Variants in ACVR1 observed in about 807,000 individuals in gnomAD.
ACVR1 encodes the protein activin receptor type-1.
Under a neutral mutation model 57.1 loss-of-function variants are expected in ACVR1, and 38 were observed. The ratio of observed to expected loss-of-function variants is 0.67; its 90% CI spans 0.51 to 0.87. The LOEUF (loss-of-function observed/expected upper bound fraction) is 0.87, where lower values mean the gene tolerates loss of function less well. ACVR1 is among the 40% of genes least tolerant of loss of function. The pLI is 0.00. For missense variants in ACVR1, 463 were observed against 638.2 expected, an observed-to-expected ratio of 0.73 and a Z score of 2.96; for synonymous variants, 212 against 228.1, an observed-to-expected ratio of 0.93 and a Z score of 0.63.
chr2:157,763,997 C>T (rs1685761165), intron 8 of ACVR1, among the ~76,000 whole-genome samples: 1 of 152,144 alleles, frequency 6.6e-6, no homozygotes, highest in Admixed American at 6.5e-5. Context: ...TCCTTCCCTA[C>T]CAAGTCCCAT....
At chr2:157,871,737 C>A (rs963164594) in intron 1 of ACVR1, among the ~76,000 whole-genome samples, 1 of 152,122 alleles carries the variant, frequency 6.6e-6, no homozygotes, top group Non-Finnish European at 1.5e-5. Flanking sequence ...TGCCTAGAAG[C>A]GCACAGGAAT....
At chr2:157,874,261 A>T (rs1690204357) in intron 1 of ACVR1, among the ~76,000 whole-genome samples, 1 of 152,264 alleles carries the variant, frequency 6.6e-6, no homozygotes, top group African/African-American at 2.4e-5. Context: ...CTTCAAAAGA[A>T]TTCCATTTTT....
chr2:157,736,916 T>C lies in ACVR1; in HGVS notation c.*615A>G. On this transcript the variant is annotated 3_prime_UTR_variant, in exon 11 of 11. Coordinates refer to ENST00000434821, the MANE Select transcript of ACVR1 (RefSeq NM_001111067.4). ...TGCAAAGTTGTGTATAAACAATTCC[T>C]AATGTTCGGCATCATTGTAAACATC... The C allele has an allele frequency of 3.2e-6, 1 of 315,358 alleles. No individual in the cohort carries two copies. The allele number at this position is 315,358 out of a possible 1,614,324, so 19.5% of individuals were successfully genotyped here.
chr2:157,757,600 A>C (rs1447551708), intron 9 of ACVR1, among the ~76,000 whole-genome samples: 1 of 151,958 alleles, frequency 6.6e-6, no homozygotes, highest in Non-Finnish European at 1.5e-5. Context: ...GACATATTCA[A>C]ATGTTGAAAG....
chr2:157,760,737 A>G (rs1425512998), intron 9 of ACVR1, 143 bp downstream of exon 9: 3 of 781,776 alleles, frequency 3.8e-6, no homozygotes, highest in African/African-American at 3.5e-5. Flanking sequence ...TCTACCAGCC[A>G]TAAATCAAAT....
Position 157,806,379 on chromosome 2 carries a change from T to TA in ACVR1, c.-7-6880_-7-6879insT, listed in dbSNP as rs532323295. ...CCTCTTTGATAGTGCATCAGTGGTT[T>TA]CTAGCCCCCATCCTCCATCCCTACT... On this transcript the variant is annotated intron_variant, in intron 2 of 10. Transcript: ENST00000434821. 3.0e-4 allele frequency among the ~76,000 whole-genome samples: 46 copies of TA among 152,234 alleles called. No individual in the cohort carries two copies. In the Middle Eastern group the frequency reaches 0.02, roughly 68 times the overall value.
At chr2:157,749,172 T>C (rs1044137955) in intron 9 of ACVR1, among the ~76,000 whole-genome samples, 8 of 152,238 alleles carry the variant, frequency 5.3e-5, no homozygotes, top group Admixed American at 1.3e-4. Flanking sequence ...TTGTGGGTAG[T>C]TGGGGCATGC....
intron 2 of ACVR1, among the ~76,000 whole-genome samples, chr2:157,805,049 GAATAT>G (rs1254580835): frequency 1.3e-5 from 2 of 152,160 alleles, no homozygotes; most frequent in African/African-American, 2.4e-5. Flanking sequence ...GAATAACTGA[GAATAT>G]AATACACTTC....
At chr2:157,781,634 C>A (rs757366052) in intron 3 of ACVR1, among the ~76,000 whole-genome samples, 9 of 152,176 alleles carry the variant, frequency 5.9e-5, no homozygotes, top group Non-Finnish European at 1.0e-4. Flanking sequence ...GAATACACAC[C>A]TAGGGAGTTC....
chr2:157,765,445 A>G (rs1685826915), intron 8 of ACVR1, among the ~76,000 whole-genome samples: 1 of 152,202 alleles, frequency 6.6e-6, no homozygotes, highest in South Asian at 2.1e-4. Context: ...GGACTGACTG[A>G]ATGAGCCTGA....
At chr2:157,871,670 C>T (rs1690117407) in intron 1 of ACVR1, among the ~76,000 whole-genome samples, 1 of 152,162 alleles carries the variant, frequency 6.6e-6, no homozygotes, top group African/African-American at 2.4e-5. Context: ...GAAAACAAAG[C>T]TCTGATGGAT....
chr2:157,751,320 G>A (rs1685182568), intron 9 of ACVR1, among the ~76,000 whole-genome samples: 1 of 152,246 alleles, frequency 6.6e-6, no homozygotes. Flanking sequence ...TTGGTCCCTG[G>A]GGAAGCCATT....
intron 2 of ACVR1, among the ~76,000 whole-genome samples, chr2:157,810,907 C>T (rs899593176): frequency 8.5e-5 from 13 of 152,264 alleles, no homozygotes; most frequent in African/African-American, 2.9e-4. Flanking sequence ...GGTTCTACGT[C>T]GTTTTAGTCT....
In ACVR1 at chr2:157,781,461, G is replaced by GT. The variant is rs907378146; in HGVS notation, c.68-862dup. Among the ~76,000 whole-genome samples, 10 of 152,284 alleles carry GT rather than the reference G, an allele frequency of 6.6e-5. 1 individual carries two copies. The highest frequency in any genetic ancestry group is 2.4e-4 in the African/African-American group (10 of 41,560). On this transcript the variant is annotated intron_variant, in intron 3 of 10. Coordinates refer to ENST00000434821, the MANE Select transcript of ACVR1 (RefSeq NM_001111067.4). ...GCCTAGACTAACTTTTTCACTAGTG[G>GT]TAACACTAAAGTTTACATAGATTAT...
At chr2:157,792,254 G>T (rs1230928333) in intron 3 of ACVR1, among the ~76,000 whole-genome samples, 1 of 151,836 alleles carries the variant, frequency 6.6e-6, no homozygotes, top group African/African-American at 2.4e-5. Context: ...CATATTCTCA[G>T]CAAAGTCCAT....
At chr2:157,871,577 A>G (rs1380200741) in intron 1 of ACVR1, among the ~76,000 whole-genome samples, 1 of 152,216 alleles carries the variant, frequency 6.6e-6, no homozygotes, top group African/African-American at 2.4e-5. Flanking sequence ...AGAGTCAACA[A>G]TGAAGTAACT....
intron 5 of ACVR1, among the ~76,000 whole-genome samples, chr2:157,776,192 G>A (rs1356049313): frequency 6.6e-6 from 1 of 152,200 alleles, no homozygotes; most frequent in Non-Finnish European, 1.5e-5. Context: ...CACATGACAT[G>A]GTTGAGTTTA....
chr2:157,794,015 T>C (rs1254841908), intron 3 of ACVR1, among the ~76,000 whole-genome samples: 1 of 152,252 alleles, frequency 6.6e-6, no homozygotes, highest in African/African-American at 2.4e-5. Context: ...AAGTCTGGCC[T>C]TCCTGGCTAT....
At chr2:157,740,841 A>G (rs1427712663) in intron 9 of ACVR1, among the ~76,000 whole-genome samples, 2 of 152,208 alleles carry the variant, frequency 1.3e-5, no homozygotes, top group Non-Finnish European at 2.9e-5. Context: ...GGAGTCAAGT[A>G]TTTTTAAAAG....
Sources: allele counts gnomAD v4.1 joint callset (sites outside exome capture counted in the v4.1 genomes callset), GRCh38; gene constraint gnomAD v4.1.1; transcripts MANE v1.5; gene names NCBI Gene and HGNC (gene_info 2026-07-23, HGNC 2026-07-21).